Variants in ATXN1 observed in about 807,000 individuals in gnomAD.
The protein encoded by ATXN1 is ataxin 1.
Under a neutral mutation model 56.4 loss-of-function variants are expected in ATXN1, and 8 were observed. The observed-to-expected ratio is 0.14, with a 90% CI of 0.08 to 0.26. The LOEUF (loss-of-function observed/expected upper bound fraction) is 0.26, where lower values mean the gene tolerates loss of function less well. ATXN1 is among the 10% of genes least tolerant of loss of function. The pLI is 1.00. For missense variants in ATXN1, 987 were observed against 1,106.5 expected, an observed-to-expected ratio of 0.89 and a Z score of 1.53; for synonymous variants, 514 against 494.6, an observed-to-expected ratio of 1.04 and a Z score of -0.52.
chr6:16,408,708 A>G (rs1467758980), intron 6 of ATXN1, among the ~76,000 whole-genome samples: 1 of 152,218 alleles, frequency 6.6e-6, no homozygotes, highest in Non-Finnish European at 1.5e-5. Context: ...AAGTAGCTGA[A>G]GTAGAACTTG....
intron 2 of ATXN1, among the ~76,000 whole-genome samples, chr6:16,744,116 TA>T (rs1760440506): frequency 6.6e-6 from 1 of 151,890 alleles, no homozygotes. Flanking sequence ...ATTTAGGAGG[TA>T]TATCATATGC....
intron 3 of ATXN1, among the ~76,000 whole-genome samples, chr6:16,645,536 T>C (rs1398852593): frequency 1.3e-5 from 2 of 152,182 alleles, no homozygotes; most frequent in African/African-American, 2.4e-5. Context: ...AGAGGTTCAA[T>C]AGAGGGAGGG....
chr6:16,605,414 C>T (rs1762985902), intron 3 of ATXN1, among the ~76,000 whole-genome samples: 1 of 152,164 alleles, frequency 6.6e-6, no homozygotes, highest in African/African-American at 2.4e-5. Context: ...CAGAGCTGGG[C>T]TTATATAACA....
At chr6:16,308,244 T>G (rs1406286104) in intron 7 of ATXN1, among the ~76,000 whole-genome samples, 1 of 151,656 alleles carries the variant, frequency 6.6e-6, no homozygotes, top group Non-Finnish European at 1.5e-5. Context: ...GAGAATCGCT[T>G]GAACCCGGGA....
chr6:16,340,554 G>A (rs934671606), intron 6 of ATXN1, among the ~76,000 whole-genome samples: 1 of 152,170 alleles, frequency 6.6e-6, no homozygotes, highest in Non-Finnish European at 1.5e-5. Flanking sequence ...AGTATGAGTA[G>A]AACAGCTTTC....
chr6:16,342,070 G>A (rs1581700993), intron 6 of ATXN1, among the ~76,000 whole-genome samples: 1 of 151,692 alleles, frequency 6.6e-6, no homozygotes, highest in African/African-American at 2.4e-5. Context: ...TTTTGGTAGA[G>A]ACGGGGTTTT....
At chr6:16,611,009 C>T (rs980225777) in intron 3 of ATXN1, among the ~76,000 whole-genome samples, 4 of 151,932 alleles carry the variant, frequency 2.6e-5, no homozygotes, top group African/African-American at 7.3e-5. Context: ...CAGGCTGCAC[C>T]ACAGAGCAAG....
intron 3 of ATXN1, among the ~76,000 whole-genome samples, chr6:16,655,462 C>A (rs1213983436): frequency 6.6e-6 from 1 of 152,068 alleles, no homozygotes; most frequent in Non-Finnish European, 1.5e-5. Context: ...CCCCTGATGG[C>A]GTGATGACAA....
chr6:16,319,440 G>C (rs1760594484), intron 7 of ATXN1, among the ~76,000 whole-genome samples: 2 of 152,190 alleles, frequency 1.3e-5, no homozygotes, highest in Non-Finnish European at 2.9e-5. Context: ...AGGAGTTTCA[G>C]GTGGGGTGTG....
chr6:16,421,246 A>C (rs2113565887), intron 6 of ATXN1, among the ~76,000 whole-genome samples: 1 of 152,256 alleles, frequency 6.6e-6, no homozygotes, highest in African/African-American at 2.4e-5. Context: ...ACATGAGTTC[A>C]CATGCAGCTA....
At chr6:16,676,340 T>C (rs541972808) in intron 2 of ATXN1, among the ~76,000 whole-genome samples, 1 of 152,328 alleles carries the variant, frequency 6.6e-6, no homozygotes, top group African/African-American at 2.4e-5. Flanking sequence ...TGAAAGTTAC[T>C]GAAGTATATA....
At chr6:16,695,016 T>C (rs1759133378) in intron 2 of ATXN1, among the ~76,000 whole-genome samples, 2 of 152,184 alleles carry the variant, frequency 1.3e-5, no homozygotes. Context: ...TATTCACAAT[T>C]GTCACTGTTA....
At chr6:16,548,111 G>A (rs796984301) in intron 4 of ATXN1, among the ~76,000 whole-genome samples, 7 of 152,238 alleles carry the variant, frequency 4.6e-5, no homozygotes, top group South Asian at 2.1e-4. Flanking sequence ...ATTGCTTCCC[G>A]GCTACAAACC....
intron 6 of ATXN1, among the ~76,000 whole-genome samples, chr6:16,383,114 A>T (rs1026119215): frequency 1.3e-5 from 2 of 152,142 alleles, no homozygotes; most frequent in Non-Finnish European, 2.9e-5. Flanking sequence ...ATCTTCTCTT[A>T]AGGAGGAATT....
chr6:16,518,246 G>C (rs992497024), intron 5 of ATXN1, among the ~76,000 whole-genome samples: 5 of 152,194 alleles, frequency 3.3e-5, no homozygotes, highest in African/African-American at 1.2e-4. Flanking sequence ...TATGGGGGAG[G>C]ATTTCCCTTA....
At chr6:16,349,238 C>CT (rs1028917275) in intron 6 of ATXN1, among the ~76,000 whole-genome samples, 3 of 152,196 alleles carry the variant, frequency 2.0e-5, no homozygotes, top group Non-Finnish European at 2.9e-5. Flanking sequence ...GGCATGGTGG[C>CT]TCACGCCTGT....
At chr6:16,378,347 T>C (rs1762185048) in intron 6 of ATXN1, among the ~76,000 whole-genome samples, 2 of 152,204 alleles carry the variant, frequency 1.3e-5, no homozygotes, top group Admixed American at 6.5e-5. Flanking sequence ...CATTATACCC[T>C]TAATATCCCC....
At chr6:16,613,157 C>G (rs1212616854) in intron 3 of ATXN1, among the ~76,000 whole-genome samples, 1 of 141,406 alleles carries the variant, frequency 7.1e-6, no homozygotes, top group East Asian at 2.2e-4. Context: ...CCCAGCCACT[C>G]GGGAGGCTGA....
At chr6:16,671,195 A>G (rs1018388) in intron 2 of ATXN1, among the ~76,000 whole-genome samples, 97,378 of 151,690 alleles carry the variant, frequency 0.64, 31,496 homozygotes, top group East Asian at 0.72. Context: ...CTTTAGAAAG[A>G]AATTCTGCCA....
Sources: gnomAD v4.1 joint callset for allele counts (sites outside exome capture counted in the v4.1 genomes callset) on GRCh38, gnomAD v4.1.1 for gene constraint, MANE v1.5 for transcripts, NCBI Gene and HGNC (gene_info 2026-07-23, HGNC 2026-07-21) for gene names.